Variants in GALNTL5 observed in about 807,000 individuals in gnomAD.
GALNTL5 encodes the protein inactive polypeptide N-acetylgalactosaminyltransferase-like protein 5.
Under a neutral mutation model 51.0 loss-of-function variants are expected in GALNTL5, and 44 were observed. The ratio of observed to expected loss-of-function variants is 0.86; its 90% CI spans 0.68 to 1.11. The LOEUF is 1.11. Ranked by LOEUF, GALNTL5 falls within the 50% of genes least tolerant of loss-of-function variation. The pLI is 0.00. For synonymous variants in GALNTL5, 192 were observed against 182.8 expected (o/e 1.05, Z -0.41); for missense variants, 528 against 531.8 (o/e 0.99, Z 0.07).
At chr7:151,971,378 T>C (rs915150360) in intron 3 of GALNTL5, among the ~76,000 whole-genome samples, 1 of 152,220 alleles carries the variant, frequency 6.6e-6, no homozygotes, top group African/African-American at 2.4e-5. Context: ...GGGGCATTCA[T>C]TCCTGATAGA....
intron 5 of GALNTL5, among the ~76,000 whole-genome samples, chr7:151,997,808 T>C (rs1187323975): frequency 6.6e-6 from 1 of 152,242 alleles, no homozygotes; most frequent in Non-Finnish European, 1.5e-5. Context: ...TGTTGTTTAA[T>C]GCCACTTAAA....
intron 7 of GALNTL5, among the ~76,000 whole-genome samples, chr7:152,013,979 T>C (rs889734267): frequency 6.6e-5 from 10 of 152,210 alleles, no homozygotes; most frequent in Non-Finnish European, 1.5e-4. Flanking sequence ...AATAATTGAA[T>C]TCAGTCATGA....
At chr7:151,983,474 G>A (rs539221281) in intron 4 of GALNTL5, among the ~76,000 whole-genome samples, 2 of 152,278 alleles carry the variant, frequency 1.3e-5, no homozygotes, top group African/African-American at 4.8e-5. Context: ...CACGACGCCT[G>A]ACCATCTAAT....
intron 7 of GALNTL5, among the ~76,000 whole-genome samples, chr7:152,013,799 G>A (rs1451045692): frequency 1.3e-5 from 2 of 152,108 alleles, no homozygotes; most frequent in African/African-American, 4.8e-5. Flanking sequence ...TATATACCTG[G>A]GTTAATATTG....
rs150069686 is a variant in GALNTL5, at chr7:151,961,099, G to A, written c.-40+4490G>A. 4.1e-3 allele frequency among the ~76,000 whole-genome samples: 632 copies of A among 152,328 alleles called. 4 individuals carry two copies. The highest frequency in any genetic ancestry group is 0.01 in the Middle Eastern group (3 of 294). The stretch of plus-strand genomic sequence containing the variant: ...TCCAGCACTTTGGGAGGCCAAAGAC[G>A]GAGGATCACTTGAAGCCAGGAGTTC... On this transcript the variant is annotated intron_variant, in intron 1 of 8. Transcript: ENST00000392800.
At chr7:152,002,219 G>A (rs79616534) in intron 5 of GALNTL5, among the ~76,000 whole-genome samples, 3,042 of 151,964 alleles carry the variant, frequency 0.02, 98 homozygotes, top group African/African-American at 0.069. Flanking sequence ...GGCGGATGTT[G>A]CAGTGAGCCA....
chr7:151,968,740 C>T (rs1467862840), intron 2 of GALNTL5, among the ~76,000 whole-genome samples: 1 of 152,172 alleles, frequency 6.6e-6, no homozygotes, highest in Non-Finnish European at 1.5e-5. Flanking sequence ...GGCCACTTTA[C>T]GTGAGTGTAC....
intron 1 of GALNTL5, chr7:151,960,808 G>A (rs554468956): frequency 2.0e-5 from 3 of 152,408 alleles, no homozygotes; most frequent in African/African-American, 7.2e-5. Flanking sequence ...GAGAATGGGT[G>A]TCTCTGCCCT....
intron 3 of GALNTL5, among the ~76,000 whole-genome samples, chr7:151,980,561 C>G (rs992264769): frequency 1.3e-5 from 2 of 151,900 alleles, no homozygotes; most frequent in African/African-American, 4.8e-5. Context: ...CATGACTTCT[C>G]TGTCTTCATC....
At chr7:151,958,481 G>C (rs12703186) in intron 1 of GALNTL5, among the ~76,000 whole-genome samples, 115,750 of 152,072 alleles carry the variant, frequency 0.76, 44,336 homozygotes, top group African/African-American at 0.82. Flanking sequence ...ACAGCTCTCT[G>C]TCTCCTTCCT....
chr7:152,016,895 G>A (rs1401156049), intron 8 of GALNTL5, among the ~76,000 whole-genome samples: 3 of 151,832 alleles, frequency 2.0e-5, no homozygotes, highest in Non-Finnish European at 2.9e-5. Flanking sequence ...AAAATTAGCC[G>A]GGCATGGTGG....
rs765955241 is a variant in GALNTL5, at chr7:151,971,132, TAGATAGAA to T, written c.368+71_368+78del. 9,800 of 1,308,180 alleles carry T rather than the reference TAGATAGAA, an allele frequency of 7.5e-3. 298 individuals are homozygous for T. Among genetic ancestry groups the T allele is most frequent in the Non-Finnish European group, 7.9e-3 (7,342 of 926,284 alleles). 81.0% of individuals were successfully genotyped at this position (1,308,180 alleles called of 1,614,324 possible). ...ATAGATAGATAGATAGATAGATAGA[TAGATAGAA>T]AGAAAACAGTTACTAACCAGATTTT... On this transcript the variant is annotated intron_variant, in intron 3 of 8. Coordinates refer to ENST00000392800, the MANE Select transcript of GALNTL5 (RefSeq NM_145292.4).
At chr7:151,961,272 C>G (rs866406513) in intron 1 of GALNTL5, among the ~76,000 whole-genome samples, 1 of 151,958 alleles carries the variant, frequency 6.6e-6, no homozygotes, top group South Asian at 2.1e-4. Flanking sequence ...GAGGCCAAGG[C>G]AGGCAGATTG....
At chr7:151,998,954 G>A (rs889027249) in intron 5 of GALNTL5, among the ~76,000 whole-genome samples, 1 of 152,048 alleles carries the variant, frequency 6.6e-6, no homozygotes, top group East Asian at 1.9e-4. Flanking sequence ...CAATTAAGTA[G>A]CATTTCGCAC....
intron 3 of GALNTL5, among the ~76,000 whole-genome samples, chr7:151,972,376 G>C (rs150688120): frequency 1.5e-3 from 235 of 152,254 alleles, no homozygotes; most frequent in Middle Eastern, 6.8e-3. Flanking sequence ...CTATGTGGTA[G>C]AAAAGAAAAA....
At chr7:151,992,325 T>C (rs2081437663) in intron 5 of GALNTL5, among the ~76,000 whole-genome samples, 1 of 152,224 alleles carries the variant, frequency 6.6e-6, no homozygotes, top group East Asian at 1.9e-4. Flanking sequence ...AGGACTGTTA[T>C]AATGAAGTAG....
chr7:151,985,014 G>A (rs1217864877), intron 4 of GALNTL5, among the ~76,000 whole-genome samples: 2 of 152,144 alleles, frequency 1.3e-5, no homozygotes, highest in Non-Finnish European at 2.9e-5. Context: ...TTAGAGTCCT[G>A]GAGGTTGGAA....
intron 3 of GALNTL5, among the ~76,000 whole-genome samples, chr7:151,973,581 T>G (rs771782354): frequency 6.6e-6 from 1 of 152,264 alleles, no homozygotes; most frequent in Non-Finnish European, 1.5e-5. Context: ...ATGGGAATAT[T>G]TACCCAATGC....
chr7:152,001,078 T>TC (rs2081572576), intron 5 of GALNTL5, among the ~76,000 whole-genome samples: 1 of 149,678 alleles, frequency 6.7e-6, no homozygotes, highest in Non-Finnish European at 1.5e-5. Context: ...GCTAATTTTT[T>TC]TTTTTTGTAT....
Sources: gnomAD v4.1 joint callset for allele counts (sites outside exome capture counted in the v4.1 genomes callset) on GRCh38, gnomAD v4.1.1 for gene constraint, MANE v1.5 for transcripts, NCBI Gene and HGNC (gene_info 2026-07-23, HGNC 2026-07-21) for gene names.